The following EXOC6B variants were observed in gnomAD, a reference collection of about 807,000 sequenced individuals.
The protein encoded by EXOC6B is SEC15 homolog B.
A neutral mutation model predicts 113.5 loss-of-function variants in EXOC6B; 54 were observed. The observed-to-expected ratio is 0.48, with a 90% CI of 0.38 to 0.60. The LOEUF is 0.60. EXOC6B is among the 20% of genes least tolerant of loss of function. EXOC6B has a pLI of 0.00. For missense variants in EXOC6B, 797 were observed against 977.5 expected, an observed-to-expected ratio of 0.82 and a Z score of 2.46; for synonymous variants, 357 against 339.0, an observed-to-expected ratio of 1.05 and a Z score of -0.58.
intron 20 of EXOC6B, among the ~76,000 whole-genome samples, chr2:72,316,074 C>T (rs1687494563): frequency 6.6e-6 from 1 of 151,960 alleles, no homozygotes; most frequent in Non-Finnish European, 1.5e-5. Context: ...TTTTGGAGCT[C>T]AGTTAAGTAG....
At chr2:72,820,718 A>T (rs898284085) in intron 1 of EXOC6B, among the ~76,000 whole-genome samples, 2 of 152,134 alleles carry the variant, frequency 1.3e-5, no homozygotes, top group Non-Finnish European at 2.9e-5. Context: ...ATCAACCAGG[A>T]ATCTGGGTTT....
intron 6 of EXOC6B, among the ~76,000 whole-genome samples, chr2:72,617,514 T>C (rs1032808055): frequency 1.5e-5 from 2 of 136,678 alleles, no homozygotes; most frequent in African/African-American, 5.2e-5. Context: ...TCAAATCTTT[T>C]TTCTTTTTTT....
chr2:72,392,216 C>A (rs938529184), intron 18 of EXOC6B, among the ~76,000 whole-genome samples: 1 of 152,130 alleles, frequency 6.6e-6, no homozygotes. Flanking sequence ...CAGCTGGTAA[C>A]CCTGAAGCAG....
chr2:72,658,286 T>TAAA (rs60572283), intron 6 of EXOC6B, among the ~76,000 whole-genome samples: 12 of 58,696 alleles, frequency 2.0e-4, no homozygotes, highest in African/African-American at 8.1e-4. Flanking sequence ...TAAAAACTAG[T>TAAA]AAAAAAAAAA....
chr2:72,714,864 C>G (rs924069298), intron 6 of EXOC6B, among the ~76,000 whole-genome samples: 1 of 152,064 alleles, frequency 6.6e-6, no homozygotes, highest in African/African-American at 2.4e-5. Context: ...TAGGGAAGAA[C>G]AGTGGGTATG....
At chr2:72,560,322 T>C (rs1016302154) in intron 7 of EXOC6B, among the ~76,000 whole-genome samples, 6 of 151,674 alleles carry the variant, frequency 4.0e-5, no homozygotes, top group African/African-American at 1.2e-4. Context: ...AAAGGAAATA[T>C]TGAAACTAAA....
chr2:72,483,486 C>T (rs889612920), intron 16 of EXOC6B, among the ~76,000 whole-genome samples: 2 of 152,126 alleles, frequency 1.3e-5, no homozygotes, highest in African/African-American at 4.8e-5. Flanking sequence ...AGGGAGGTGG[C>T]TTCACTGGGT....
chr2:72,825,692 A>T lies in EXOC6B; in HGVS notation c.113+106T>A. On this transcript the variant is annotated intron_variant, in intron 1 of 21. Transcript: ENST00000272427. The surrounding 1 kb of genome is among the most constrained non-coding windows in gnomAD (Gnocchi z 4.4). ...CGGTATGCAGGGTCTCTCCGAAGGG[A>T]GGGGCCGGCGCCGGACCTGGGGACA... 7.6e-7 allele frequency: 1 copy of T among 1,313,534 alleles called. No homozygotes were observed. The highest frequency in any genetic ancestry group is 1.0e-6 in the Non-Finnish European group (1 of 1,003,204). The allele number at this position is 1,313,534 out of a possible 1,614,324, so 81.4% of individuals were successfully genotyped here.
At chr2:72,447,502 C>G (rs1696659325) in intron 18 of EXOC6B, among the ~76,000 whole-genome samples, 1 of 152,168 alleles carries the variant, frequency 6.6e-6, no homozygotes, top group South Asian at 2.1e-4. Flanking sequence ...TTTAGTCACT[C>G]TCTTCTTTAT....
At chr2:72,817,634 G>C (rs1376206874) in intron 1 of EXOC6B, among the ~76,000 whole-genome samples, 2 of 151,764 alleles carry the variant, frequency 1.3e-5, no homozygotes, top group Non-Finnish European at 2.9e-5. Context: ...TAAAATGTCA[G>C]GCTGTAATAA....
chr2:72,625,601 C>T (rs537904036), intron 6 of EXOC6B, among the ~76,000 whole-genome samples: 4 of 152,130 alleles, frequency 2.6e-5, no homozygotes, highest in Admixed American at 1.3e-4. Context: ...GGAAAGAGAA[C>T]TTTTTCCTCC....
chr2:72,725,730 A>T (rs1054696977), intron 5 of EXOC6B, among the ~76,000 whole-genome samples: 2 of 152,192 alleles, frequency 1.3e-5, no homozygotes, highest in African/African-American at 4.8e-5. Flanking sequence ...GCTATGCAGA[A>T]ATTGGAAACA....
At chr2:72,639,459 T>C (rs1217215185) in intron 6 of EXOC6B, among the ~76,000 whole-genome samples, 2 of 152,202 alleles carry the variant, frequency 1.3e-5, no homozygotes, top group African/African-American at 4.8e-5. Context: ...CCTCTGCCAC[T>C]GTGGTGAATG....
At chr2:72,475,201 G>T (rs952440474) in intron 17 of EXOC6B, among the ~76,000 whole-genome samples, 4 of 152,148 alleles carry the variant, frequency 2.6e-5, no homozygotes, top group African/African-American at 9.7e-5. Flanking sequence ...AGTGAGTCCA[G>T]ATGGGCCAAT....
chr2:72,498,377 A>T, intron 13 of EXOC6B, 77 bp downstream of exon 13: 2 of 961,808 alleles, frequency 2.1e-6, no homozygotes, highest in Non-Finnish European at 3.1e-6. Flanking sequence ...AACATCTGAA[A>T]ACCTTTGCGC....
At chr2:72,721,268 G>A (rs1047636506) in intron 5 of EXOC6B, among the ~76,000 whole-genome samples, 4 of 150,948 alleles carry the variant, frequency 2.6e-5, no homozygotes, top group Middle Eastern at 3.4e-3. Flanking sequence ...GACGGAGGGT[G>A]CAGTGAGCTG....
intron 18 of EXOC6B, among the ~76,000 whole-genome samples, chr2:72,402,473 T>C (rs777847416): frequency 9.9e-6 from 1 of 101,004 alleles, no homozygotes; most frequent in Non-Finnish European, 1.8e-5. Flanking sequence ...TCAGTTACTA[T>C]CTACTTTCCT....
chr2:72,262,899 C>T (rs1683825377), intron 20 of EXOC6B, among the ~76,000 whole-genome samples: 1 of 152,118 alleles, frequency 6.6e-6, no homozygotes. Flanking sequence ...AATTCAGCAA[C>T]TAACAATAAG....
intron 17 of EXOC6B, among the ~76,000 whole-genome samples, chr2:72,473,158 T>C (rs1367764056): frequency 6.6e-6 from 1 of 152,164 alleles, no homozygotes; most frequent in Non-Finnish European, 1.5e-5. Context: ...TCTGTTATTG[T>C]TGGGTAAGAT....
Sources: allele counts gnomAD v4.1 joint callset (sites outside exome capture counted in the v4.1 genomes callset), GRCh38; gene constraint gnomAD v4.1.1; non-coding constraint Gnocchi (gnomAD v3.1); transcripts MANE v1.5; gene names NCBI Gene and HGNC (gene_info 2026-07-23, HGNC 2026-07-21).